The following LRRC4C variants were observed in gnomAD, a reference collection of about 807,000 sequenced individuals.
LRRC4C encodes the protein leucine rich repeat containing 4C.
A neutral mutation model predicts 33.6 loss-of-function variants in LRRC4C; 5 were observed. That is an observed-to-expected ratio of 0.15 (90% CI 0.08 to 0.31). LRRC4C has a LOEUF of 0.31. Among genes scored for constraint, LRRC4C ranks in the 10% least tolerant of loss-of-function variants. LRRC4C has a pLI of 1.00. For missense variants in LRRC4C, 560 were observed against 796.7 expected, an observed-to-expected ratio of 0.70 and a Z score of 3.58; for synonymous variants, 329 against 302.0, an observed-to-expected ratio of 1.09 and a Z score of -0.93.
chr11:40,533,989 G>A (rs1490824453), intron 3 of LRRC4C, among the ~76,000 whole-genome samples: 1 of 152,152 alleles, frequency 6.6e-6, no homozygotes, highest in Non-Finnish European at 1.5e-5. Flanking sequence ...TTGCCTTAGT[G>A]CTCACAAGAT....
chr11:41,247,625 C>T (rs1948496090), intron 1 of LRRC4C, among the ~76,000 whole-genome samples: 1 of 152,022 alleles, frequency 6.6e-6, no homozygotes, highest in African/African-American at 2.4e-5. Context: ...AGCAAGAGTG[C>T]CTATGTGAGA....
chr11:40,212,186 A>C (rs143991249), intron 5 of LRRC4C, among the ~76,000 whole-genome samples: 1 of 152,278 alleles, frequency 6.6e-6, no homozygotes, highest in Non-Finnish European at 1.5e-5. Context: ...AGTAATTTTG[A>C]TCCATCTAAA....
chr11:40,848,077 C>G (rs1953281728), intron 2 of LRRC4C, among the ~76,000 whole-genome samples: 1 of 151,184 alleles, frequency 6.6e-6, no homozygotes, highest in African/African-American at 2.4e-5. Context: ...AGTGGTCTAT[C>G]TATCTATCTT....
intron 2 of LRRC4C, among the ~76,000 whole-genome samples, chr11:40,687,080 A>G (rs993668795): frequency 6.6e-6 from 1 of 152,136 alleles, no homozygotes; most frequent in African/African-American, 2.4e-5. Context: ...CTTGGATGCT[A>G]ATTGAAATAA....
intron 3 of LRRC4C, among the ~76,000 whole-genome samples, chr11:40,525,897 C>T (rs1316539424): frequency 6.6e-6 from 1 of 151,986 alleles, no homozygotes; most frequent in Non-Finnish European, 1.5e-5. Flanking sequence ...ACTGATAGAC[C>T]AGTGGAACAG....
intron 2 of LRRC4C, among the ~76,000 whole-genome samples, chr11:40,700,349 C>A (rs1467980440): frequency 6.6e-6 from 1 of 152,052 alleles, no homozygotes; most frequent in Non-Finnish European, 1.5e-5. Flanking sequence ...TCTGTCTAAG[C>A]ATTTTGGTGT....
chr11:40,464,085 C>G (rs1034285531), intron 3 of LRRC4C, among the ~76,000 whole-genome samples: 5 of 151,948 alleles, frequency 3.3e-5, no homozygotes, highest in African/African-American at 9.7e-5. Flanking sequence ...CAAAAATCCT[C>G]AAATAAATAC....
chr11:41,169,223 T>C (rs193044481), intron 1 of LRRC4C, among the ~76,000 whole-genome samples: 17 of 152,326 alleles, frequency 1.1e-4, no homozygotes, highest in Admixed American at 3.3e-4. Flanking sequence ...TCTTATTTAT[T>C]CTTTTACATT....
intron 3 of LRRC4C, among the ~76,000 whole-genome samples, 156 bp downstream of exon 3, chr11:40,647,986 G>A (rs184049727): frequency 6.6e-6 from 1 of 152,294 alleles, no homozygotes; most frequent in Admixed American, 6.5e-5. Context: ...CAGACATTTA[G>A]CCATATGCTG....
At chr11:41,452,621 A>T (rs905974529) in intron 1 of LRRC4C, among the ~76,000 whole-genome samples, 6 of 152,080 alleles carry the variant, frequency 3.9e-5, no homozygotes, top group Admixed American at 3.9e-4. Context: ...TTTAGAAAGA[A>T]TTCCCCAGTT....
chr11:40,694,462 A>T (rs1410605901), intron 2 of LRRC4C, among the ~76,000 whole-genome samples: 1 of 152,192 alleles, frequency 6.6e-6, no homozygotes, highest in Non-Finnish European at 1.5e-5. Flanking sequence ...CAGTCCACCA[A>T]TGAGTATAAT....
intron 2 of LRRC4C, among the ~76,000 whole-genome samples, chr11:40,921,260 A>G (rs953328065): frequency 2.6e-5 from 4 of 152,168 alleles, no homozygotes; most frequent in Non-Finnish European, 5.9e-5. Flanking sequence ...AAAGGCAGAA[A>G]AGTGGGTCAG....
intron 1 of LRRC4C, among the ~76,000 whole-genome samples, chr11:41,375,293 G>A (rs1952897224): frequency 6.6e-6 from 1 of 151,986 alleles, no homozygotes; most frequent in African/African-American, 2.4e-5. Context: ...TTAATGCCAG[G>A]TGCTAACAGG....
At chr11:41,376,545 C>T (rs1280400016) in intron 1 of LRRC4C, among the ~76,000 whole-genome samples, 1 of 152,118 alleles carries the variant, frequency 6.6e-6, no homozygotes, top group African/African-American at 2.4e-5. Flanking sequence ...ATTAGAAATA[C>T]ATAAAATGAC....
At chr11:41,375,221 A>G (rs149686706) in intron 1 of LRRC4C, among the ~76,000 whole-genome samples, 1 of 152,156 alleles carries the variant, frequency 6.6e-6, no homozygotes, top group African/African-American at 2.4e-5. Context: ...AGGGTTAAAC[A>G]TTATTATTAT....
rs905557991 is a variant in LRRC4C, at chr11:40,796,653, T to A, written c.-407+136982A>T. ...CAGAACTCTTTTTTTTTTTTTTTTTTTTTTTTATTTTGAGACAGAGTCTTG... is the reference window on the plus strand; with the variant it reads ...CAGAACTCTTTTTTTTTTTTTTTTTATTTTTTATTTTGAGACAGAGTCTTG... On this transcript the variant is annotated intron_variant, in intron 2 of 6. Coordinates refer to ENST00000528697, the MANE Select transcript of LRRC4C (RefSeq NM_001258419.2). Among the ~76,000 whole-genome samples the A allele has an allele frequency of 6.7e-5, 9 of 134,312 alleles. No homozygotes were observed. In the South Asian group the frequency reaches 6.9e-4, roughly 10 times the overall value. 88.1% of individuals were successfully genotyped at this position (134,312 alleles called of 152,430 possible).
chr11:41,330,984 A>G (rs1024134828), intron 1 of LRRC4C, among the ~76,000 whole-genome samples: 2 of 152,070 alleles, frequency 1.3e-5, no homozygotes, highest in Non-Finnish European at 2.9e-5. Flanking sequence ...GCTGTTCCAC[A>G]TTCATTTTTC....
intron 3 of LRRC4C, among the ~76,000 whole-genome samples, chr11:40,350,373 G>A (rs994604752): frequency 1.3e-5 from 2 of 151,914 alleles, no homozygotes; most frequent in Non-Finnish European, 2.9e-5. Flanking sequence ...GTATGTTCTT[G>A]GTGCCTTAAA....
rs533188610 is a variant in LRRC4C, at chr11:41,009,105, T to C, written c.-495-75382A>G. 1.2e-4 allele frequency among the ~76,000 whole-genome samples: 19 copies of C among 152,230 alleles called. No homozygotes were observed. In the South Asian group the frequency reaches 3.7e-3, roughly 30 times the overall value. On this transcript the variant is annotated intron_variant, in intron 1 of 6. Coordinates refer to ENST00000528697, the MANE Select transcript of LRRC4C (RefSeq NM_001258419.2). ...TAGCAAGAGAAGAATTCTTTTTAAATTTATCTGATTTAGATAGATATTTGG... is the reference window on the plus strand; with the variant it reads ...TAGCAAGAGAAGAATTCTTTTTAAACTTATCTGATTTAGATAGATATTTGG...
Sources: gnomAD v4.1 joint callset for allele counts (sites outside exome capture counted in the v4.1 genomes callset) on GRCh38, gnomAD v4.1.1 for gene constraint, MANE v1.5 for transcripts, NCBI Gene and HGNC (gene_info 2026-07-23, HGNC 2026-07-21) for gene names.